The following AGAP1 variants were observed in gnomAD, a reference collection of about 807,000 sequenced individuals.
The protein encoded by AGAP1 is ArfGAP with GTPase domain, ankyrin repeat and PH domain 1.
In AGAP1, 29 loss-of-function variants were observed where a neutral mutation model predicts 105.3. The ratio of observed to expected loss-of-function variants is 0.28; its 90% CI spans 0.21 to 0.38. AGAP1 has a LOEUF of 0.38. AGAP1 is among the 10% of genes least tolerant of loss of function. The pLI is 1.00. For missense variants in AGAP1, 998 were observed against 1,165.1 expected (o/e 0.86, Z 2.09); for synonymous variants, 509 against 485.9 (o/e 1.05, Z -0.63).
chr2:235,985,666 G>A (rs2055282852), intron 13 of AGAP1, among the ~76,000 whole-genome samples: 1 of 152,142 alleles, frequency 6.6e-6, no homozygotes, highest in Admixed American at 6.5e-5. Flanking sequence ...TTCTGCATAT[G>A]GCTAGCCAGT....
rs112568126 is a variant in AGAP1, at chr2:235,858,854, A to C, written c.1051-24491A>C. Among the ~76,000 whole-genome samples the C allele has an allele frequency of 6.3e-3, 965 of 152,304 alleles. 4 individuals are homozygous for C. The highest frequency in any genetic ancestry group is 9.2e-3 in the Non-Finnish European group (627 of 68,032). On this transcript the variant is annotated intron_variant, in intron 9 of 17. Coordinates refer to ENST00000304032, the MANE Select transcript of AGAP1 (RefSeq NM_001037131.3). ...ATCAAAGTTGGTGGTAGCAAGGAGT[A>C]TTTGCCACTGTAATTGACAAATAAT...
chr2:236,064,687 GAC>G lies in AGAP1; in HGVS notation c.2114+15407_2114+15408del, dbSNP rs750118068. The stretch of plus-strand genomic sequence containing the variant: ...AATTAAACCCACACTGCTGCAGAGG[GAC>G]CCAGGATCAGCTCCCACCAGCTGAT... On this transcript the variant is annotated intron_variant, in intron 16 of 17. Coordinates refer to ENST00000304032, the MANE Select transcript of AGAP1 (RefSeq NM_001037131.3). Among the ~76,000 whole-genome samples the G allele has an allele frequency of 6.1e-4, 93 of 152,260 alleles. 1 individual carries two copies. The highest frequency in any genetic ancestry group is 1.0e-3 in the Non-Finnish European group (71 of 68,030).
In AGAP1 at chr2:235,801,754, T is replaced by C. The variant is rs1957506024; in HGVS notation, c.957+2232T>C. 6.6e-6 allele frequency among the ~76,000 whole-genome samples: 1 copy of C among 152,098 alleles called. No homozygotes were observed. The highest frequency in any genetic ancestry group is 1.5e-5 in the Non-Finnish European group (1 of 68,006). On this transcript the variant is annotated intron_variant, in intron 8 of 17. Coordinates refer to ENST00000304032, the MANE Select transcript of AGAP1 (RefSeq NM_001037131.3). The surrounding 1 kb of genome is among the most constrained non-coding windows in gnomAD (Gnocchi z 6.0). ...AGGAGGGGCGGGCTTGTCATCGTGG[T>C]GGTCGAGAACACCTTCTGTGTCTTT...
chr2:236,001,440 T>C lies in AGAP1; in HGVS notation c.1645+32817T>C, dbSNP rs2056116432. On this transcript the variant is annotated intron_variant, in intron 13 of 17. Transcript: ENST00000304032. The surrounding 1 kb of genome is among the most constrained non-coding windows in gnomAD (Gnocchi z 4.7). ...TGTGTGGCTACTAACGTGAGCCTGT[T>C]AACGTTGAAAATTTCCCTCTGGCGG... Among the ~76,000 whole-genome samples, 1 of 152,168 alleles carries C rather than the reference T, an allele frequency of 6.6e-6. No homozygotes were observed. Among genetic ancestry groups the C allele is most frequent in the South Asian group, 2.1e-4 (1 of 4,824 alleles).
In AGAP1 at chr2:235,889,024, T is replaced by C. The variant is rs1234280993; in HGVS notation, c.1155+5575T>C. On this transcript the variant is annotated intron_variant, in intron 10 of 17. Transcript: ENST00000304032. The surrounding 1 kb of genome is among the most constrained non-coding windows in gnomAD (Gnocchi z 4.6). ...GAAGAGGTCATTTCTGTTCCTGAGG[T>C]ATCTGAACACAGTTTGCTTATTGCA... Among the ~76,000 whole-genome samples the C allele has an allele frequency of 6.6e-6, 1 of 152,314 alleles. No homozygotes were observed. The highest frequency in any genetic ancestry group is 2.4e-5 in the African/African-American group (1 of 41,570).
rs1253968567 is a variant in AGAP1 at position 235,717,639 on chromosome 2, C to T, written c.305C>T (p.Pro102Leu). ...LTGTYVQEESPEGGRFKKEIV... is the reference protein window; with the variant it reads ...LTGTYVQEESLEGGRFKKEIV... ...GGCACATATGTCCAGGAGGAGTCTC[C>T]GGAAGGTATGCTGTTTGGCAGGCAG... is the stretch of plus-strand genomic sequence containing the variant. The change falls in exon 3 of 18, where the codon CCG becomes CTG. Residue 102 changes from proline (P) to leucine (L), a missense_variant. By Grantham distance (98) the Pro-to-Leu change is moderately conservative. Around this residue, in one of 3 missense-constraint regions of AGAP1, gnomAD observed 735 missense variants for 833.4 expected, o/e 0.88. Transcript: ENST00000304032. 12 of 1,599,962 alleles carry T rather than the reference C, an allele frequency of 7.5e-6. No homozygotes were observed. Among genetic ancestry groups the T allele is most frequent in the East Asian group, 4.5e-5 (2 of 44,196 alleles).
intron 1 of AGAP1, among the ~76,000 whole-genome samples, chr2:235,515,884 T>C (rs1319529482): frequency 6.6e-6 from 1 of 152,070 alleles, no homozygotes; most frequent in Non-Finnish European, 1.5e-5. Flanking sequence ...AAAGAGATAT[T>C]TAAGGGGGTG....
rs184540497 is a variant in AGAP1 at position 235,959,042 on chromosome 2, G to T, written c.1484-9420G>T. On this transcript the variant is annotated intron_variant, in intron 12 of 17. Transcript: ENST00000304032. This position sits in a 1 kb window ranked among gnomAD's most constrained non-coding sequence, Gnocchi z 7.3. The stretch of plus-strand genomic sequence containing the variant: ...TGCCGGCCCATCCCGGCTCAGCGCC[G>T]CGCAGCTCGGGACCCCAGTCCCTCC... Among the ~76,000 whole-genome samples the T allele has an allele frequency of 2.9e-3, 439 of 152,206 alleles. 1 individual carries two copies. Among genetic ancestry groups the T allele is most frequent in the Non-Finnish European group, 4.8e-3 (329 of 67,998 alleles).
intron 9 of AGAP1, among the ~76,000 whole-genome samples, chr2:235,870,880 A>G (rs1184386505): frequency 6.6e-6 from 1 of 152,206 alleles, no homozygotes; most frequent in Non-Finnish European, 1.5e-5. Flanking sequence ...GGGCCCAGAG[A>G]CCACTTTTCT....
At chr2:235,778,126 C>A (rs1486210162) in intron 6 of AGAP1, among the ~76,000 whole-genome samples, 1 of 152,092 alleles carries the variant, frequency 6.6e-6, no homozygotes, top group Non-Finnish European at 1.5e-5. Flanking sequence ...GCTGGGTGGC[C>A]CCTCTGTCCC....
In AGAP1 at chr2:236,051,943, A is replaced by T. The variant is rs2057912709; in HGVS notation, c.2114+2662A>T. Among the ~76,000 whole-genome samples the T allele has an allele frequency of 1.3e-5, 2 of 152,056 alleles. No homozygotes were observed. On this transcript the variant is annotated intron_variant, in intron 16 of 17. Coordinates refer to ENST00000304032, the MANE Select transcript of AGAP1 (RefSeq NM_001037131.3). The surrounding 1 kb of genome is among the most constrained non-coding windows in gnomAD (Gnocchi z 5.9). ...CCTCCTGCACGTCCCCTCAATAGAA[A>T]ATGGAAAAGTGAAAGTCGGGGCTGG...
intron 9 of AGAP1, among the ~76,000 whole-genome samples, chr2:235,827,140 C>T (rs1371549482): frequency 6.6e-6 from 1 of 152,220 alleles, no homozygotes; most frequent in Non-Finnish European, 1.5e-5. Flanking sequence ...GAGGACACAG[C>T]TGCAACGTCT....
rs1486741042 is a variant in AGAP1 at position 235,744,243 on chromosome 2, G to C, written c.397-455G>C. 1.3e-5 allele frequency among the ~76,000 whole-genome samples: 2 copies of C among 152,174 alleles called. No homozygotes were observed. The highest frequency in any genetic ancestry group is 2.9e-5 in the Non-Finnish European group (2 of 68,030). On this transcript the variant is annotated intron_variant, in intron 4 of 17. Coordinates refer to ENST00000304032, the MANE Select transcript of AGAP1 (RefSeq NM_001037131.3). The surrounding 1 kb of genome is among the most constrained non-coding windows in gnomAD (Gnocchi z 5.2). Reference sequence around the variant, plus strand: ...TAGCGAGTGGGAAGGACTGAGGGGTGGGGAGGTTCTGAGCAGGCATGAGGG... The same window carrying C: ...TAGCGAGTGGGAAGGACTGAGGGGTCGGGAGGTTCTGAGCAGGCATGAGGG...
At chr2:235,892,667 C>A (rs1255850112) in intron 10 of AGAP1, among the ~76,000 whole-genome samples, 1 of 152,064 alleles carries the variant, frequency 6.6e-6, no homozygotes, top group Non-Finnish European at 1.5e-5. Flanking sequence ...ACACGAATTC[C>A]TCACATAGGA....
At chr2:235,808,590 T>A (rs1412820971) in intron 9 of AGAP1, among the ~76,000 whole-genome samples, 1 of 152,124 alleles carries the variant, frequency 6.6e-6, no homozygotes, top group Non-Finnish European at 1.5e-5. Flanking sequence ...AAACCACACC[T>A]CTGCCCACAG....
In AGAP1 at chr2:236,123,975, C is replaced by A. The variant is rs771157920; in HGVS notation, c.2427C>A (p.Ala809=). The A allele has an allele frequency of 4.3e-6, 7 of 1,613,834 alleles. No individual in the cohort carries two copies. Among genetic ancestry groups the A allele is most frequent in the Admixed American group, 1.7e-5 (1 of 59,996 alleles). ...DAHGNTALAY[A]RQASSQECID... The stretch of plus-strand genomic sequence containing the variant: ...ACGGGAACACAGCTCTGGCCTACGC[C>A]CGGCAGGCCTCCAGCCAGGAGTGCA... Residue 809 remains alanine, a synonymous_variant, in exon 18 of 18, where the codon GCC becomes GCA. Transcript: ENST00000304032. This position sits in a 1 kb window ranked among gnomAD's most constrained non-coding sequence, Gnocchi z 4.6.
chr2:235,761,255 T>G (rs1954414327), intron 6 of AGAP1, among the ~76,000 whole-genome samples: 1 of 152,212 alleles, frequency 6.6e-6, no homozygotes, highest in Non-Finnish European at 1.5e-5. Flanking sequence ...TTACCCTAAG[T>G]CTGGGATTTT....
At chr2:235,923,881 G>GA (rs918681724) in intron 11 of AGAP1, among the ~76,000 whole-genome samples, 8 of 151,414 alleles carry the variant, frequency 5.3e-5, no homozygotes, top group Non-Finnish European at 1.0e-4. Context: ...CTTAAAGGAG[G>GA]AAAAAAAAAG....
chr2:236,118,142 G>T (rs2059815419), intron 16 of AGAP1, among the ~76,000 whole-genome samples: 1 of 152,146 alleles, frequency 6.6e-6, no homozygotes, highest in African/African-American at 2.4e-5. Flanking sequence ...ACGGGTAAAA[G>T]GTGTAAACAA....
Sources: allele counts gnomAD v4.1 joint callset (sites outside exome capture counted in the v4.1 genomes callset), GRCh38; gene constraint gnomAD v4.1.1; regional missense constraint gnomAD v4.1.1; non-coding constraint Gnocchi (gnomAD v3.1); transcripts MANE v1.5; gene names NCBI Gene and HGNC (gene_info 2026-07-23, HGNC 2026-07-21).